ARHGAP31: variants seen among roughly 807,000 people sequenced by gnomAD.
ARHGAP31 encodes the protein rho GTPase-activating protein 31.
Under a neutral mutation model 113.9 loss-of-function variants are expected in ARHGAP31, and 34 were observed. That is an observed-to-expected ratio of 0.30 (90% CI 0.23 to 0.40). The LOEUF is 0.40. ARHGAP31 is among the 10% of genes least tolerant of loss of function. ARHGAP31 has a pLI of 1.00. For synonymous variants in ARHGAP31, 650 were observed against 684.8 expected, an observed-to-expected ratio of 0.95 and a Z score of 0.79; for missense variants, 1,548 against 1,767.1, an observed-to-expected ratio of 0.88 and a Z score of 2.22.
chr3:119,380,564 T>G (rs1031238527), intron 3 of ARHGAP31, among the ~76,000 whole-genome samples: 3 of 151,750 alleles, frequency 2.0e-5, no homozygotes, highest in Middle Eastern at 3.2e-3. Context: ...CTCTATCTCT[T>G]TACCTCTCTG....
At chr3:119,353,977 A>G (rs1229137948) in intron 1 of ARHGAP31, among the ~76,000 whole-genome samples, 1 of 152,182 alleles carries the variant, frequency 6.6e-6, no homozygotes, top group Admixed American at 6.5e-5. Flanking sequence ...GACAGCATTG[A>G]CAGCAGAGAC....
chr3:119,343,737 C>T (rs545383203), intron 1 of ARHGAP31, among the ~76,000 whole-genome samples: 1 of 152,208 alleles, frequency 6.6e-6, no homozygotes, highest in African/African-American at 2.4e-5. Flanking sequence ...TTCTTCCTTG[C>T]TCTCCCTTTT....
chr3:119,310,984 T>C (rs1282834148), intron 1 of ARHGAP31, among the ~76,000 whole-genome samples: 1 of 152,250 alleles, frequency 6.6e-6, no homozygotes, highest in East Asian at 1.9e-4. Flanking sequence ...GCTGGTGTGG[T>C]GCTAACCTCC....
chr3:119,370,055 G>C (rs1438974175), intron 3 of ARHGAP31, among the ~76,000 whole-genome samples: 1 of 152,154 alleles, frequency 6.6e-6, no homozygotes, highest in Non-Finnish European at 1.5e-5. Context: ...CTGGCATAGA[G>C]TTGTCATTGG....
At chr3:119,325,744 G>A (rs1469627059) in intron 1 of ARHGAP31, among the ~76,000 whole-genome samples, 1 of 152,200 alleles carries the variant, frequency 6.6e-6, no homozygotes, top group Non-Finnish European at 1.5e-5. Context: ...AAGAAACTCA[G>A]GGAAAGGAGA....
At chr3:119,349,389 G>A (rs2107615954) in intron 1 of ARHGAP31, among the ~76,000 whole-genome samples, 1 of 152,286 alleles carries the variant, frequency 6.6e-6, no homozygotes. Context: ...TGAGGTTACA[G>A]TAAAAGCCCT....
rs935996547 is a variant in ARHGAP31, at chr3:119,413,726, G to A, written c.1927-130G>A. ...CACTCAAATAGCCACAGGTATTATC[G>A]GTGCTGCATCCTGTATTTGCTGAAC... On this transcript the variant is annotated intron_variant, in intron 11 of 11. Transcript: ENST00000264245. 39 of 1,230,018 alleles carry A rather than the reference G, an allele frequency of 3.2e-5. No homozygotes were observed. The Admixed American group carries it at 6.8e-4, about 21-fold the overall frequency. The allele number at this position is 1,230,018 out of a possible 1,614,324, so 76.2% of individuals were successfully genotyped here.
intron 1 of ARHGAP31, among the ~76,000 whole-genome samples, chr3:119,353,282 A>T (rs1196074017): frequency 6.6e-6 from 1 of 152,208 alleles, no homozygotes; most frequent in Non-Finnish European, 1.5e-5. Flanking sequence ...CTTGTTCAAC[A>T]TCTAAAAGCT....
chr3:119,355,049 C>G (rs2080143639), intron 1 of ARHGAP31, among the ~76,000 whole-genome samples: 1 of 152,122 alleles, frequency 6.6e-6, no homozygotes, highest in African/African-American at 2.4e-5. Flanking sequence ...ACTATAGGAC[C>G]TGCCTTCCTG....
At chr3:119,306,194 A>G (rs1289413546) in intron 1 of ARHGAP31, among the ~76,000 whole-genome samples, 2 of 152,234 alleles carry the variant, frequency 1.3e-5, no homozygotes, top group Non-Finnish European at 2.9e-5. Flanking sequence ...CAATTTTAGT[A>G]TACTACTAGA....
chr3:119,323,287 A>G lies in ARHGAP31; in HGVS notation c.100+28283A>G, dbSNP rs1192653796. Among the ~76,000 whole-genome samples, 7 of 151,458 alleles carry G rather than the reference A, an allele frequency of 4.6e-5. No individual in the cohort carries two copies. The South Asian group carries it at 8.4e-4, about 18-fold the overall frequency. On this transcript the variant is annotated intron_variant, in intron 1 of 11. Coordinates refer to ENST00000264245, the MANE Select transcript of ARHGAP31 (RefSeq NM_020754.4). ...GCGGGGAAAGCCCAGAAGCGGGGAA[A>G]CCCCAGGGACAGCCGCCGGCCCTGG...
chr3:119,302,097 T>A (rs990010106), intron 1 of ARHGAP31, among the ~76,000 whole-genome samples: 1 of 152,218 alleles, frequency 6.6e-6, no homozygotes, highest in East Asian at 1.9e-4. Flanking sequence ...TGACTATGGG[T>A]CCATGTCCTA....
At position 119,368,390 on chromosome 3, in the gene ARHGAP31, T is replaced by A; in HGVS notation, c.222T>A (p.Asp74Glu). 2 of 1,614,194 alleles carry A rather than the reference T, an allele frequency of 1.2e-6. No homozygotes were observed. The highest frequency in any genetic ancestry group is 1.7e-6 in the Non-Finnish European group (2 of 1,180,030). The change falls in exon 3 of 12, where the codon GAT (aspartate) becomes GAA (glutamate). Residue 74 changes from aspartate (D) to glutamate (E), a missense_variant. Coordinates refer to ENST00000264245, the MANE Select transcript of ARHGAP31 (RefSeq NM_020754.4). ...IQRLRQEFGSDQCPDLTREVY... is the reference protein window; with the variant it reads ...IQRLRQEFGSEQCPDLTREVY... ...GTTTCAGGCAAGAGTTTGGCTCAGATCAATGTCCAGATCTGACAAGGGAAG... is the reference window on the plus strand; with the variant it reads ...GTTTCAGGCAAGAGTTTGGCTCAGAACAATGTCCAGATCTGACAAGGGAAG...
In ARHGAP31 at chr3:119,401,715, T is replaced by G. The variant is rs2080608946; in HGVS notation, c.1070-107T>G. ...CTGGGCGGTTATGCCCCTGTTAGAA[T>G]GCTGTGCCTCTCTAGTATTCAAATG... On this transcript the variant is annotated intron_variant, in intron 9 of 11. Transcript: ENST00000264245. 3 of 1,042,598 alleles carry G rather than the reference T, an allele frequency of 2.9e-6. No homozygotes were observed. The South Asian group carries it at 4.0e-5, about 14-fold the overall frequency. The allele number at this position is 1,042,598 out of a possible 1,614,324, so 64.6% of individuals were successfully genotyped here. A position where few individuals can be genotyped will look rare whatever the true frequency, so the allele number is the denominator to read the frequency against.
chr3:119,385,367 T>G (rs2080440378), intron 6 of ARHGAP31, among the ~76,000 whole-genome samples: 1 of 152,204 alleles, frequency 6.6e-6, no homozygotes, highest in Non-Finnish European at 1.5e-5. Flanking sequence ...TAGTTTGGGT[T>G]GTTTCTGCTT....
intron 1 of ARHGAP31, among the ~76,000 whole-genome samples, chr3:119,345,065 A>G (rs919850269): frequency 6.6e-6 from 1 of 151,664 alleles, no homozygotes; most frequent in Non-Finnish European, 1.5e-5. Flanking sequence ...GCTCACTACA[A>G]GCTCTGCCTC....
At chr3:119,340,478 T>G (rs1222417505) in intron 1 of ARHGAP31, among the ~76,000 whole-genome samples, 3 of 152,164 alleles carry the variant, frequency 2.0e-5, no homozygotes, top group Non-Finnish European at 4.4e-5. Flanking sequence ...AGTGACCAAT[T>G]AGATATAGGA....
At chr3:119,302,499 G>A (rs2079592945) in intron 1 of ARHGAP31, among the ~76,000 whole-genome samples, 1 of 152,340 alleles carries the variant, frequency 6.6e-6, no homozygotes, top group Admixed American at 6.5e-5. Context: ...TGAAGTCTGA[G>A]TCCCACATCA....
chr3:119,336,066 T>G (rs1275261240), intron 1 of ARHGAP31, among the ~76,000 whole-genome samples: 2 of 152,026 alleles, frequency 1.3e-5, no homozygotes, highest in African/African-American at 4.8e-5. Context: ...TCCCAGCTAC[T>G]CTGGAGGATG....
Sources: allele counts gnomAD v4.1 joint callset (sites outside exome capture counted in the v4.1 genomes callset), GRCh38; gene constraint gnomAD v4.1.1; transcripts MANE v1.5; gene names NCBI Gene and HGNC (gene_info 2026-07-23, HGNC 2026-07-21).